VOPP1: variants seen among roughly 807,000 people sequenced by gnomAD.
The protein encoded by VOPP1 is WW domain binding protein VOPP1.
VOPP1 carries 8 observed loss-of-function variants against 23.5 expected under a neutral mutation model. The ratio of observed to expected loss-of-function variants is 0.34; its 90% CI spans 0.20 to 0.61. The LOEUF (loss-of-function observed/expected upper bound fraction) is 0.61. Ranked by LOEUF, VOPP1 falls within the 20% of genes least tolerant of loss-of-function variation. The pLI is 0.78. For missense variants in VOPP1, 174 were observed against 238.1 expected (o/e 0.73, Z 1.77); for synonymous variants, 83 against 97.3 (o/e 0.85, Z 0.86).
chr7:55,435,156 C>A (rs559884640), downstream of VOPP1, among the ~76,000 whole-genome samples: 7 of 152,296 alleles, frequency 4.6e-5, no homozygotes, highest in Admixed American at 3.9e-4. Flanking sequence ...TGGATGGGAC[C>A]ATTGGTGGTC....
intron 4 of VOPP1, among the ~76,000 whole-genome samples, chr7:55,475,798 C>T (rs984993707): frequency 1.3e-5 from 2 of 152,218 alleles, no homozygotes; most frequent in Non-Finnish European, 2.9e-5. Flanking sequence ...TGAGTAAAAC[C>T]ATGGCTGCCC....
chr7:55,571,351 G>A (rs964755133), intron 1 of VOPP1, among the ~76,000 whole-genome samples: 5 of 152,198 alleles, frequency 3.3e-5, no homozygotes, highest in African/African-American at 1.2e-4. Context: ...AACTATTAAG[G>A]AAGATAGTTT....
chr7:55,441,265 C>A (rs1285301030), intron 4 of VOPP1, among the ~76,000 whole-genome samples: 2 of 152,138 alleles, frequency 1.3e-5, no homozygotes, highest in Non-Finnish European at 2.9e-5. Context: ...GTGGGAACTG[C>A]CATGGCCTAT....
intron 1 of VOPP1, among the ~76,000 whole-genome samples, chr7:55,538,275 T>C (rs1796924725): frequency 6.6e-6 from 1 of 152,224 alleles, no homozygotes; most frequent in African/African-American, 2.4e-5. Context: ...TTAGGAACTC[T>C]CTTCTCCAAC....
intron 4 of VOPP1, among the ~76,000 whole-genome samples, chr7:55,491,147 A>C (rs146349357): frequency 0.013 from 1,973 of 152,360 alleles, 12 homozygotes; most frequent in Admixed American, 0.019. Context: ...AGAAAACCAT[A>C]GCCATGCTCT....
chr7:55,442,137 C>T lies in VOPP1; in HGVS notation n.418-5963G>A, dbSNP rs142636200. On this transcript the variant is annotated intron_variant and non_coding_transcript_variant, in intron 4 of 4. Coordinates refer to the VOPP1 transcript ENST00000462326. ...TGTTTGGCCCTATTATAAGCCTGTACATAGGCTTCTCAGACACAGTTTATG... is the reference window on the plus strand; with the variant it reads ...TGTTTGGCCCTATTATAAGCCTGTATATAGGCTTCTCAGACACAGTTTATG... Among the ~76,000 whole-genome samples the T allele has an allele frequency of 8.6e-3, 1,314 of 152,274 alleles. 17 individuals are homozygous for T. The highest frequency in any genetic ancestry group is 0.03 in the African/African-American group (1,260 of 41,536).
chr7:55,449,953 G>A (rs941708677), intron 4 of VOPP1, among the ~76,000 whole-genome samples: 4 of 152,180 alleles, frequency 2.6e-5, no homozygotes, highest in African/African-American at 9.7e-5. Context: ...CCCTTGAGGC[G>A]TAGCACCCAG....
intron 4 of VOPP1, among the ~76,000 whole-genome samples, chr7:55,441,277 G>A (rs1339892307): frequency 1.3e-5 from 2 of 152,110 alleles, no homozygotes; most frequent in Non-Finnish European, 2.9e-5. Flanking sequence ...ATGGCCTATG[G>A]TACAACTACA....
intron 1 of VOPP1, among the ~76,000 whole-genome samples, chr7:55,550,370 T>G (rs555321355): frequency 6.6e-6 from 1 of 152,292 alleles, no homozygotes; most frequent in East Asian, 1.9e-4. Flanking sequence ...GCAACACTTA[T>G]TTTTGCCCTA....
intron 4 of VOPP1, among the ~76,000 whole-genome samples, chr7:55,450,859 G>A (rs1436707094): frequency 6.6e-6 from 1 of 152,218 alleles, no homozygotes; most frequent in Non-Finnish European, 1.5e-5. Context: ...TAGGTCTGTG[G>A]CAAATGATAT....
intron 4 of VOPP1, among the ~76,000 whole-genome samples, chr7:55,451,420 TTTACA>T (rs1191538755): frequency 6.6e-6 from 1 of 152,248 alleles, no homozygotes; most frequent in Non-Finnish European, 1.5e-5. Flanking sequence ...ATAGAAGTTG[TTTACA>T]TTATACTGTA....
At chr7:55,567,627 G>T (rs10239004) in intron 1 of VOPP1, among the ~76,000 whole-genome samples, 2 of 152,148 alleles carry the variant, frequency 1.3e-5, no homozygotes, top group Non-Finnish European at 1.5e-5. Flanking sequence ...CCAGGTCTGG[G>T]CCCAACGCCC....
chr7:55,554,640 C>A (rs1160256613), intron 1 of VOPP1, among the ~76,000 whole-genome samples: 2 of 152,118 alleles, frequency 1.3e-5, no homozygotes, highest in African/African-American at 2.4e-5. Context: ...GGAGGCAGTG[C>A]CATGGACTGA....
chr7:55,482,482 A>ATTTTTTTT (rs71031859), intron 4 of VOPP1, among the ~76,000 whole-genome samples: 43 of 132,784 alleles, frequency 3.2e-4, no homozygotes, highest in African/African-American at 7.4e-4. Flanking sequence ...CACCTGGCTA[A>ATTTTTTTT]TTTTTTTTTT....
At chr7:55,512,583 A>G (rs1259551945) in intron 2 of VOPP1, among the ~76,000 whole-genome samples, 1 of 152,202 alleles carries the variant, frequency 6.6e-6, no homozygotes, top group Non-Finnish European at 1.5e-5. Flanking sequence ...ACTGAGAGAA[A>G]AGAAATTCTG....
chr7:55,527,375 T>C (rs1796250832), intron 1 of VOPP1, among the ~76,000 whole-genome samples: 1 of 151,948 alleles, frequency 6.6e-6, no homozygotes, highest in African/African-American at 2.4e-5. Flanking sequence ...CTTAAGAAAA[T>C]AACAGAAATA....
intron 4 of VOPP1, among the ~76,000 whole-genome samples, chr7:55,487,411 A>G (rs1019578899): frequency 2.6e-5 from 4 of 152,102 alleles, no homozygotes; most frequent in African/African-American, 9.7e-5. Context: ...GTCCTCCGCA[A>G]TCTCTCTCTA....
intron 4 of VOPP1, among the ~76,000 whole-genome samples, chr7:55,475,377 G>A (rs193009549): frequency 7.9e-5 from 12 of 152,272 alleles, no homozygotes; most frequent in South Asian, 2.1e-4. Flanking sequence ...TTGGCGGAGC[G>A]GTGGGTGAAC....
At chr7:55,569,504 G>A (rs1446937643) in intron 1 of VOPP1, among the ~76,000 whole-genome samples, 1 of 152,152 alleles carries the variant, frequency 6.6e-6, no homozygotes, top group Non-Finnish European at 1.5e-5. Context: ...TCGAGGTGGG[G>A]TACACACTGG....
Sources: allele counts gnomAD v4.1 joint callset (sites outside exome capture counted in the v4.1 genomes callset), GRCh38; gene constraint gnomAD v4.1.1; transcripts MANE v1.5; gene names NCBI Gene and HGNC (gene_info 2026-07-23, HGNC 2026-07-21).